The following CAV3 variants were observed in gnomAD, a reference collection of about 807,000 sequenced individuals.
CAV3 encodes caveolin 3.
A neutral mutation model predicts 13.4 loss-of-function variants in CAV3; 10 were observed. That is an observed-to-expected ratio of 0.75 (90% CI 0.46 to 1.27). The LOEUF (loss-of-function observed/expected upper bound fraction) is 1.27, where lower values mean the gene tolerates loss of function less well. Among genes scored for constraint, CAV3 ranks in the 50% most tolerant of loss-of-function variants. The pLI, the probability that CAV3 is intolerant of heterozygous loss-of-function variation, is 0.00. For synonymous variants in CAV3, 90 were observed against 79.0 expected, an observed-to-expected ratio of 1.14 and a Z score of -0.74; for missense variants, 162 against 194.0, an observed-to-expected ratio of 0.83 and a Z score of 0.98.
intron 1 of CAV3, among the ~76,000 whole-genome samples, chr3:8,744,622 G>A (rs1708089655): frequency 1.3e-5 from 2 of 152,062 alleles, no homozygotes; most frequent in African/African-American, 4.8e-5. Context: ...CATCACCCAT[G>A]TGTAGGCAGC....
chr3:8,745,000 T>G (rs1708104800), intron 1 of CAV3: 1 of 159,554 alleles, frequency 6.3e-6, no homozygotes, highest in African/African-American at 2.4e-5. Context: ...TGATATGGTC[T>G]GGATCTGTGT....
At chr3:8,736,594 C>T (rs140132662) in intron 1 of CAV3, among the ~76,000 whole-genome samples, 175 of 152,302 alleles carry the variant, frequency 1.1e-3, no homozygotes, top group African/African-American at 3.5e-3. Flanking sequence ...CAGAGGGAGC[C>T]CTTGGATCCC....
intron 1 of CAV3, among the ~76,000 whole-genome samples, chr3:8,743,952 G>A (rs1222644100): frequency 2.0e-5 from 3 of 151,982 alleles, no homozygotes; most frequent in African/African-American, 4.8e-5. Context: ...TAATATTGGT[G>A]ATGCAATAGA....
In CAV3 at chr3:8,733,927, C is replaced by A. The variant is rs1553613132; in HGVS notation, c.51C>A (p.Ile17=). Residue 17 remains isoleucine (I), a synonymous_variant, in exon 1 of 2, where the codon ATC becomes ATA. Transcript: ENST00000343849. The part of the protein sequence containing the change: ...TDLEAQIVKD[I]HCKEIDLVNR... ...TCGAGGCCCAGATCGTCAAGGATAT[C>A]CACTGCAAGGAGATTGACCTGGTGA... is the stretch of plus-strand genomic sequence containing the variant. The A allele has an allele frequency of 1.2e-6, 2 of 1,613,420 alleles. No individual in the cohort carries two copies. Among genetic ancestry groups the A allele is most frequent in the Non-Finnish European group, 1.7e-6 (2 of 1,179,592 alleles).
Position 8,745,651 on chromosome 3 carries a change from G to C in CAV3, c.240G>C (p.Leu80=), listed in dbSNP as rs1708134918. Residue 80 remains leucine, a synonymous_variant, in exon 2 of 2, where the codon CTG becomes CTC. Coordinates refer to ENST00000343849, the MANE Select transcript of CAV3 (RefSeq NM_033337.3). The surrounding 1 kb of genome is among the most constrained non-coding windows in gnomAD (Gnocchi z 4.8). Reference sequence around the variant, plus strand: ...GCTACCGTCTGTTGTCCACGCTGCTGGGCGTCCCACTGGCCCTGCTCTGGG... The same window carrying C: ...GCTACCGTCTGTTGTCCACGCTGCTCGGCGTCCCACTGGCCCTGCTCTGGG... The part of the protein sequence containing the change: ...YWCYRLLSTL[L]GVPLALLWGF... 2 of 1,614,098 alleles carry C rather than the reference G, an allele frequency of 1.2e-6. No individual in the cohort carries two copies. Among genetic ancestry groups the C allele is most frequent in the Non-Finnish European group, 1.7e-6 (2 of 1,179,998 alleles).
chr3:8,740,517 G>A (rs1707920807), intron 1 of CAV3, among the ~76,000 whole-genome samples: 1 of 152,184 alleles, frequency 6.6e-6, no homozygotes, highest in African/African-American at 2.4e-5. Context: ...AAAGATCAGG[G>A]CTTAGTGGAT....
At chr3:8,735,009 G>A (rs1375241655) in intron 1 of CAV3, among the ~76,000 whole-genome samples, 1 of 152,254 alleles carries the variant, frequency 6.6e-6, no homozygotes, top group East Asian at 1.9e-4. Context: ...CTCCACAACT[G>A]GCTCAGAGGT....
At chr3:8,735,447 T>C (rs527432787) in intron 1 of CAV3, among the ~76,000 whole-genome samples, 33 of 152,368 alleles carry the variant, frequency 2.2e-4, no homozygotes, top group African/African-American at 7.7e-4. Flanking sequence ...AAAATGTACA[T>C]GTGAAAATCG....
intron 1 of CAV3, among the ~76,000 whole-genome samples, chr3:8,742,806 G>A (rs1452826162): frequency 6.6e-6 from 1 of 152,224 alleles, no homozygotes; most frequent in Non-Finnish European, 1.5e-5. Flanking sequence ...TAGGTGGATA[G>A]ATGGATAGAT....
chr3:8,742,514 C>T (rs937582833), intron 1 of CAV3: 8 of 456,680 alleles, frequency 1.8e-5, no homozygotes, highest in East Asian at 6.9e-5. Flanking sequence ...GAGACACACG[C>T]AGACTCATTT....
intron 1 of CAV3, among the ~76,000 whole-genome samples, chr3:8,739,487 G>A (rs553545687): frequency 6.6e-6 from 1 of 151,716 alleles, no homozygotes; most frequent in Non-Finnish European, 1.5e-5. Flanking sequence ...AGGTGTAGTG[G>A]TGGGTGCCTG....
intron 1 of CAV3, among the ~76,000 whole-genome samples, chr3:8,743,422 C>T (rs1355597612): frequency 2.0e-5 from 3 of 152,120 alleles, no homozygotes; most frequent in Non-Finnish European, 4.4e-5. Context: ...TCCTGGAAGC[C>T]CTCCAAGAAG....
In CAV3 at chr3:8,745,859, G is replaced by A. The variant is rs1708144822; in HGVS notation, c.448G>A (p.Glu150Lys). 2.5e-6 allele frequency: 4 copies of A among 1,611,198 alleles called. No individual in the cohort carries two copies. The highest frequency in any genetic ancestry group is 3.4e-6 in the Non-Finnish European group (4 of 1,179,080). The change falls in exon 2 of 2, where the codon GAG becomes AAG. Residue 150 changes from glutamate (E) to lysine (K), a missense_variant. By Grantham distance (56) the Glu-to-Lys change is moderately conservative. Transcript: ENST00000343849. This position sits in a 1 kb window ranked among gnomAD's most constrained non-coding sequence, Gnocchi z 4.8. ...CAGCATCAAGGTGGTGCTGCGGAAG[G>A]AGGTCTAAAGCCAGGTGGGGCAACA... Reference protein sequence around the residue: ...CSSIKVVLRKEV With the variant: ...CSSIKVVLRKKV
At chr3:8,738,236 C>A (rs1176997585) in intron 1 of CAV3, among the ~76,000 whole-genome samples, 1 of 152,158 alleles carries the variant, frequency 6.6e-6, no homozygotes, top group African/African-American at 2.4e-5. Flanking sequence ...AGATAGGATC[C>A]CAGCCTCTCC....
chr3:8,740,270 G>A (rs1046030765), intron 1 of CAV3, among the ~76,000 whole-genome samples: 23 of 152,162 alleles, frequency 1.5e-4, no homozygotes, highest in African/African-American at 5.1e-4. Context: ...GTGAGTCACA[G>A]GGCAAGCCCA....
At position 8,738,234 on chromosome 3, in the gene CAV3, T is replaced by A. The variant is rs544638994; in HGVS notation, c.114+4244T>A. On this transcript the variant is annotated intron_variant, in intron 1 of 1. Transcript: ENST00000343849. ...AAGCAGGGGAAGGAGATAGATAGGA[T>A]CCCAGCCTCTCCATGATACTACTCC... Among the ~76,000 whole-genome samples, 25 of 152,228 alleles carry A rather than the reference T, an allele frequency of 1.6e-4. No individual in the cohort carries two copies. In the East Asian group the frequency reaches 2.1e-3, roughly 13 times the overall value.
intron 1 of CAV3, among the ~76,000 whole-genome samples, chr3:8,744,430 T>C (rs1231707772): frequency 6.7e-6 from 1 of 149,786 alleles, no homozygotes; most frequent in Non-Finnish European, 1.5e-5. Flanking sequence ...AGACACCCGC[T>C]GCCATACCCG....
chr3:8,739,094 C>T (rs192425015), intron 1 of CAV3, among the ~76,000 whole-genome samples: 1 of 152,296 alleles, frequency 6.6e-6, no homozygotes, highest in African/African-American at 2.4e-5. Flanking sequence ...TGTCAATGAC[C>T]TCTAAGAAGA....
rs116840795 is a variant in CAV3 at position 8,745,580 on chromosome 3, G to A, written c.169G>A (p.Val57Met). 14 of 1,613,994 alleles carry A rather than the reference G, an allele frequency of 8.7e-6. No individual in the cohort carries two copies. Among genetic ancestry groups the A allele is most frequent in the East Asian group, 2.2e-5 (1 of 44,880 alleles). The change falls in exon 2 of 2, where the codon GTG becomes ATG. Residue 57 changes from valine (V) to methionine (M), a missense_variant. Coordinates refer to ENST00000343849, the MANE Select transcript of CAV3 (RefSeq NM_033337.3). The surrounding 1 kb of genome is among the most constrained non-coding windows in gnomAD (Gnocchi z 4.8). The stretch of plus-strand genomic sequence containing the variant: ...TGTGGGCACCTACAGCTTTGACGGC[G>A]TGTGGAAGGTGAGCTACACCACCTT... ...EPVGTYSFDG[V>M]WKVSYTTFTV... is the part of the protein sequence containing the mutation.
Sources: gnomAD v4.1 joint callset for allele counts (sites outside exome capture counted in the v4.1 genomes callset) on GRCh38, gnomAD v4.1.1 for gene constraint, Gnocchi (gnomAD v3.1) non-coding constraint, MANE v1.5 for transcripts, NCBI Gene and HGNC (gene_info 2026-07-23, HGNC 2026-07-21) for gene names.